The following SSH1 variants were observed in gnomAD, a reference collection of about 807,000 sequenced individuals.
SSH1 encodes slingshot protein phosphatase 1, also known as protein phosphatase Slingshot homolog 1.
A neutral mutation model predicts 79.7 loss-of-function variants in SSH1; 43 were observed. The ratio of observed to expected loss-of-function variants is 0.54; its 90% confidence interval spans 0.42 to 0.70. SSH1 has a LOEUF of 0.70. Among genes scored for constraint, SSH1 ranks in the 30% least tolerant of loss-of-function variants. SSH1 has a pLI of 0.00. For synonymous variants in SSH1, 599 were observed against 538.3 expected (o/e 1.11, Z -1.56); for missense variants, 1,206 against 1,358.8 (o/e 0.89, Z 1.77).
At chr12:108,839,647 C>A (rs1340544941) in intron 2 of SSH1, among the ~76,000 whole-genome samples, 1 of 151,804 alleles carries the variant, frequency 6.6e-6, no homozygotes, top group Non-Finnish European at 1.5e-5. Context: ...GAAACAAAGT[C>A]TTTCTAAAAA....
In SSH1 at chr12:108,811,269, T is replaced by C. The variant is rs779436814; in HGVS notation, c.461A>G (p.Asp154Gly). ...AAAGAGACCTCCTTACCCATCTCCA[T>C]CAAGGTGGATTTTCGTGTCGCTCCA... ...RLWSDTKIHL[D>G]GDGGFSVSTA... Residue 154 changes from aspartate to glycine, a missense_variant, in exon 6 of 15, where the codon GAT becomes GGT. Physicochemically the swap from Asp to Gly is moderately conservative, Grantham distance 94. This residue lies in a region of SSH1 where 115 missense variants were observed against 173.9 expected (regional missense o/e 0.66). Transcript: ENST00000326495. 6 of 1,614,144 alleles carry C rather than the reference T, an allele frequency of 3.7e-6. No homozygotes were observed. The highest frequency in any genetic ancestry group is 5.1e-6 in the Non-Finnish European group (6 of 1,179,978).
At chr12:108,821,565 C>T (rs1315732178) in intron 3 of SSH1, among the ~76,000 whole-genome samples, 1 of 152,078 alleles carries the variant, frequency 6.6e-6, no homozygotes, top group Non-Finnish European at 1.5e-5. Context: ...TTGTCTGAGG[C>T]ACCAGTATTT....
rs1342164117 is a variant in SSH1, at chr12:108,783,973, G to A, written c.*4015C>T. 2 of 152,214 alleles carry A rather than the reference G, an allele frequency of 1.3e-5. No homozygotes were observed. The highest frequency in any genetic ancestry group is 2.9e-5 in the Non-Finnish European group (2 of 68,070). 9.4% of individuals were successfully genotyped at this position (152,214 alleles called of 1,614,324 possible). A position where few individuals can be genotyped will look rare whatever the true frequency, so the allele number is the denominator to read the frequency against. ...TGCCAGAGGTGAAGGGGGTCCCCTCGCTGAGTTGCGTGTTTAGAGGAGCCC... is the reference window on the plus strand; with the variant it reads ...TGCCAGAGGTGAAGGGGGTCCCCTCACTGAGTTGCGTGTTTAGAGGAGCCC... On this transcript the variant is annotated 3_prime_UTR_variant, in exon 15 of 15. Coordinates refer to ENST00000326495, the MANE Select transcript of SSH1 (RefSeq NM_018984.4).
chr12:108,837,431 A>G (rs890317215), intron 2 of SSH1, among the ~76,000 whole-genome samples: 1 of 152,286 alleles, frequency 6.6e-6, no homozygotes, highest in South Asian at 2.1e-4. Flanking sequence ...GTGGGAATGC[A>G]TCAGAGTCAG....
intron 3 of SSH1, among the ~76,000 whole-genome samples, 165 bp from the exon 4 acceptor site, chr12:108,818,478 C>T (rs575589706): frequency 6.6e-6 from 1 of 152,210 alleles, no homozygotes; most frequent in Non-Finnish European, 1.5e-5. Context: ...CTGAATTTCT[C>T]TTACACCACT....
At chr12:108,836,071 C>T (rs1404535643) in intron 2 of SSH1, among the ~76,000 whole-genome samples, 1 of 97,262 alleles carries the variant, frequency 1.0e-5, no homozygotes, top group Admixed American at 1.1e-4. Context: ...CAAATATATA[C>T]TATATAATAT....
chr12:108,792,207 C>CT (rs1304349707), intron 14 of SSH1, 79 bp downstream of exon 14: 1 of 1,608,800 alleles, frequency 6.2e-7, no homozygotes, highest in South Asian at 1.1e-5. Context: ...GTAGTCCCTA[C>CT]TACAGAGGCT....
chr12:108,845,167 C>T (rs1165901221), intron 2 of SSH1, among the ~76,000 whole-genome samples: 2 of 149,434 alleles, frequency 1.3e-5, no homozygotes, highest in Non-Finnish European at 3.0e-5. Context: ...CGAGATCGCA[C>T]CACTGCACTC....
chr12:108,827,245 C>A, intron 2 of SSH1: 1 of 1,536,754 alleles, frequency 6.5e-7, no homozygotes, highest in South Asian at 1.2e-5. Flanking sequence ...AACCAGTAAT[C>A]AGGGTGGTCA....
chr12:108,785,171 A>C lies in SSH1; in HGVS notation c.*2817T>G, dbSNP rs986756709. 1.4e-4 allele frequency: 22 copies of C among 152,224 alleles called. No individual in the cohort carries two copies. Among genetic ancestry groups the C allele is most frequent in the African/African-American group, 4.8e-4 (20 of 41,438 alleles). 9.4% of individuals were successfully genotyped at this position (152,224 alleles called of 1,614,324 possible). A position where few individuals can be genotyped will look rare whatever the true frequency, so the allele number is the denominator to read the frequency against. ...CCCAGTTTCATTGCACCCAGGCTGG[A>C]GTGCAGTGGCGCGATCTCGGCTCAT... On this transcript the variant is annotated 3_prime_UTR_variant, in exon 15 of 15. Transcript: ENST00000326495.
rs1565985485 is a variant in SSH1, at chr12:108,807,073, G to GCT, written c.731+559_731+560insAG. ...GGGTCCTGACCCCGAGGGGAGGGGCGACCAGCATTCTCCCTAACTAGACTT... is the reference window on the plus strand; with the variant it reads ...GGGTCCTGACCCCGAGGGGAGGGGCGCTACCAGCATTCTCCCTAACTAGACTT... On this transcript the variant is annotated intron_variant, in intron 8 of 14. Transcript: ENST00000326495. The surrounding 1 kb of genome is among the most constrained non-coding windows in gnomAD (Gnocchi z 5.2). 6.6e-6 allele frequency among the ~76,000 whole-genome samples: 1 copy of GCT among 152,186 alleles called. No individual in the cohort carries two copies. The highest frequency in any genetic ancestry group is 2.4e-5 in the African/African-American group (1 of 41,454).
chr12:108,831,249 T>C (rs1344895094), intron 2 of SSH1, among the ~76,000 whole-genome samples: 3 of 152,158 alleles, frequency 2.0e-5, no homozygotes, highest in Admixed American at 2.0e-4. Context: ...CCACTCTGCA[T>C]GGTGATTACT....
At chr12:108,821,536 A>T (rs2038120573) in intron 3 of SSH1, among the ~76,000 whole-genome samples, 2 of 152,180 alleles carry the variant, frequency 1.3e-5, no homozygotes, top group Admixed American at 1.3e-4. Context: ...TGTTACACGC[A>T]TAACTCTAAA....
In SSH1 at chr12:108,807,570, AG is replaced by A. The variant is rs369700274; in HGVS notation, c.731+62del. 8.3e-5 allele frequency: 128 copies of A among 1,541,522 alleles called. No individual in the cohort carries two copies. The African/African-American group carries it at 1.4e-3, about 17-fold the overall frequency. On this transcript the variant is annotated intron_variant, in intron 8 of 14. Transcript: ENST00000326495. This position sits in a 1 kb window ranked among gnomAD's most constrained non-coding sequence, Gnocchi z 5.2. ...GCAGGTTCAGGGTCGGGCACAGGGCAGGTGGGGGAGAGGCAGGTGCCTGTGG... is the reference window on the plus strand; with the variant it reads ...GCAGGTTCAGGGTCGGGCACAGGGCAGTGGGGGAGAGGCAGGTGCCTGTGG...
chr12:108,799,238 G>C (rs1025782931), intron 12 of SSH1, 38 bp from the exon 13 acceptor site: 4 of 1,554,034 alleles, frequency 2.6e-6, no homozygotes, highest in East Asian at 2.3e-5. Flanking sequence ...AGAGATGGGG[G>C]AGAAGCAGTG....
intron 13 of SSH1, among the ~76,000 whole-genome samples, chr12:108,797,264 C>T (rs2036791237): frequency 6.6e-6 from 1 of 151,962 alleles, no homozygotes; most frequent in Admixed American, 6.6e-5. Flanking sequence ...GCAGCTAGGA[C>T]CACTGGTGCA....
At position 108,807,777 on chromosome 12, in the gene SSH1, T is replaced by C. The variant is rs150708392; in HGVS notation, c.587A>G (p.Asn196Ser). Residue 196 changes from asparagine (N) to serine (S), a missense_variant, in exon 8 of 15, where the codon AAC (asparagine) becomes AGC (serine). This residue lies in a region of SSH1 where 116 missense variants were observed against 109.0 expected (regional missense o/e 1.06). Transcript: ENST00000326495. The surrounding 1 kb of genome is among the most constrained non-coding windows in gnomAD (Gnocchi z 5.2). ...HKACEVARRH[N>S]YFPGGVALIW... is the part of the protein sequence containing the mutation. ...GAGAGCTACACCCCCGGGGAAGTAGTTGTGCCTCCGGGCCACTTCGCAGGC... is the reference window on the plus strand; with the variant it reads ...GAGAGCTACACCCCCGGGGAAGTAGCTGTGCCTCCGGGCCACTTCGCAGGC... 132 of 1,613,786 alleles carry C rather than the reference T, an allele frequency of 8.2e-5. No homozygotes were observed. Among genetic ancestry groups the C allele is most frequent in the Non-Finnish European group, 1.1e-4 (124 of 1,179,916 alleles).
chr12:108,799,627 G>C (rs1736252711), intron 12 of SSH1, among the ~76,000 whole-genome samples: 1 of 152,190 alleles, frequency 6.6e-6, no homozygotes, highest in Non-Finnish European at 1.5e-5. Context: ...AGCAGATGGA[G>C]ACAGTGAATG....
chr12:108,840,924 C>A (rs1179885849), intron 2 of SSH1, among the ~76,000 whole-genome samples: 1 of 152,148 alleles, frequency 6.6e-6, no homozygotes, highest in African/African-American at 2.4e-5. Flanking sequence ...CCCCCATAAG[C>A]GCATGACCTT....
Sources: allele counts gnomAD v4.1 joint callset (sites outside exome capture counted in the v4.1 genomes callset), GRCh38; gene constraint gnomAD v4.1.1; regional missense constraint gnomAD v4.1.1; non-coding constraint Gnocchi (gnomAD v3.1); transcripts MANE v1.5; gene names NCBI Gene and HGNC (gene_info 2026-07-23, HGNC 2026-07-21).